FAAP20: variants seen among roughly 807,000 people sequenced by gnomAD.
FAAP20 encodes Fanconi anemia core complex-associated protein 20.
A neutral mutation model predicts 16.2 loss-of-function variants in FAAP20; 12 were observed. The ratio of observed to expected loss-of-function variants is 0.74; its 90% CI spans 0.48 to 1.20. The LOEUF (loss-of-function observed/expected upper bound fraction) is 1.20, where lower values mean the gene tolerates loss of function less well. FAAP20 is among the 50% of genes most tolerant of loss of function. The pLI, the probability that FAAP20 is intolerant of heterozygous loss-of-function variation, is 0.00. For synonymous variants in FAAP20, 141 were observed against 110.7 expected, an observed-to-expected ratio of 1.27 and a Z score of -1.72; for missense variants, 288 against 245.8, an observed-to-expected ratio of 1.17 and a Z score of -1.15.
At chr1:2,201,169 G>A, upstream of FAAP20, 3 of 1,269,268 alleles carry the variant, frequency 2.4e-6, no homozygotes, top group Non-Finnish European at 2.1e-6. Context: ...TGAGTGACGT[G>A]CAGACCTTCA....
chr1:2,206,171 C>T (rs551265675), intron 3 of FAAP20: 1 of 152,442 alleles, frequency 6.6e-6, no homozygotes, highest in African/African-American at 2.4e-5. Flanking sequence ...TGGTCGATTT[C>T]CCCCTTAAGA....
chr1:2,203,485 G>A (rs1171102798), upstream of FAAP20: 11 of 985,584 alleles, frequency 1.1e-5, no homozygotes, highest in Middle Eastern at 5.2e-4. Context: ...AGGTGTTCTC[G>A]CTCTGGGGTT....
chr1:2,197,882 C>T (rs1688885961), upstream of FAAP20: 1 of 1,065,936 alleles, frequency 9.4e-7, no homozygotes, highest in African/African-American at 1.7e-5. Context: ...GTCAGGAAGC[C>T]TGACCCCCAA....
At chr1:2,209,264 A>G (rs1349078554), downstream of FAAP20, among the ~76,000 whole-genome samples, 3 of 151,716 alleles carry the variant, frequency 2.0e-5, no homozygotes. Flanking sequence ...CTTATCCCAC[A>G]CCCATTTTAG....
At position 2,189,691 on chromosome 1, in the gene FAAP20, A is replaced by G; in HGVS notation, c.*18T>C. The stretch of plus-strand genomic sequence containing the variant: ...CGTGTCCGGGCGCCGCACTCTGCGC[A>G]GGGCTCTTGGATGGCGCTCACCACG... On this transcript the variant is annotated 3_prime_UTR_variant, in exon 4 of 4. Coordinates refer to ENST00000378546, the MANE Select transcript of FAAP20 (RefSeq NM_182533.4). 1.2e-6 allele frequency: 2 copies of G among 1,604,834 alleles called. No individual in the cohort carries two copies. The highest frequency in any genetic ancestry group is 8.5e-7 in the Non-Finnish European group (1 of 1,174,346).
chr1:2,192,859 C>CA (rs1219545663), intron 3 of FAAP20: 1 of 1,286,118 alleles, frequency 7.8e-7, no homozygotes, highest in East Asian at 5.6e-5. Flanking sequence ...CTCAGCCTCT[C>CA]AAAGGGCTGG....
At chr1:2,204,384 G>A (rs192183342), upstream of FAAP20, among the ~76,000 whole-genome samples, 1 of 152,374 alleles carries the variant, frequency 6.6e-6, no homozygotes, top group East Asian at 1.9e-4. Flanking sequence ...CTTCTGGGAC[G>A]TGCCCTGGGG....
chr1:2,199,686 G>A (rs1463495055), upstream of FAAP20: 2 of 956,756 alleles, frequency 2.1e-6, no homozygotes, highest in Non-Finnish European at 2.5e-6. This position sits in a 1 kb window ranked among gnomAD's most constrained non-coding sequence, Gnocchi z 4.5. Context: ...AAGTGGCCTC[G>A]CTCGGAAGCA....
chr1:2,194,609 G>A (rs1426222495), intron 1 of FAAP20, 79 bp downstream of exon 1: 1 of 789,296 alleles, frequency 1.3e-6, no homozygotes, highest in Non-Finnish European at 1.6e-6. Context: ...GGAGAATAGA[G>A]CGGGAGGCCC....
In FAAP20 at chr1:2,190,045, C is replaced by T. The variant is rs72925889; in HGVS notation, c.471-264G>A. 1,837 of 596,984 alleles carry T rather than the reference C, an allele frequency of 3.1e-3. 36 individuals carry two copies. Among genetic ancestry groups the T allele is most frequent in the African/African-American group, 0.029 (1,612 of 54,736 alleles). 37.0% of individuals were successfully genotyped at this position (596,984 alleles called of 1,614,324 possible). A position where few individuals can be genotyped will look rare whatever the true frequency, so the allele number is the denominator to read the frequency against. ...GTGGGGAAGCTGTGTCTCAACAAGCCTCTCTATGGGATTCTGGCGCCTGCT... is the reference window on the plus strand; with the variant it reads ...GTGGGGAAGCTGTGTCTCAACAAGCTTCTCTATGGGATTCTGGCGCCTGCT... On this transcript the variant is annotated intron_variant, in intron 3 of 3. Transcript: ENST00000378546.
At chr1:2,190,184 G>A (rs866922682) in intron 3 of FAAP20, 4 of 473,630 alleles carry the variant, frequency 8.4e-6, no homozygotes, top group African/African-American at 5.9e-5. Context: ...GTCTACAGGA[G>A]GCAGAAGAGT....
chr1:2,190,295 G>C (rs892225521), intron 3 of FAAP20: 3 of 456,382 alleles, frequency 6.6e-6, no homozygotes, highest in African/African-American at 4.0e-5. Context: ...CGTCACCGGC[G>C]TGCAGGCTGC....
chr1:2,194,420 G>A (rs1427562506), intron 1 of FAAP20, among the ~76,000 whole-genome samples: 1 of 146,364 alleles, frequency 6.8e-6, no homozygotes, highest in Non-Finnish European at 1.5e-5. Flanking sequence ...GGGGAAGGTA[G>A]AGGGTTAGAT....
intron 1 of FAAP20, 123 bp from the exon 2 acceptor site, chr1:2,194,256 G>A (rs1688611004): frequency 3.8e-6 from 5 of 1,331,580 alleles, no homozygotes; most frequent in Admixed American, 4.8e-5. Flanking sequence ...GAAATTCGAT[G>A]GTGCGGGAGG....
chr1:2,207,108 G>C lies in FAAP20; in HGVS notation n.179-441C>G, dbSNP rs546260439. On this transcript the variant is annotated intron_variant and non_coding_transcript_variant, in intron 1 of 7. Transcript: ENST00000469733. ...GTTGTATTCTGGAATGGAGGTGAGT[G>C]GGGGGCCAGTGAGGGCTGGGCCGGT... Among the ~76,000 whole-genome samples, 246 of 152,218 alleles carry C rather than the reference G, an allele frequency of 1.6e-3. 3 individuals are homozygous for C. Among genetic ancestry groups the C allele is most frequent in the African/African-American group, 5.7e-3 (236 of 41,466 alleles).
chr1:2,185,542 G>A, downstream of FAAP20: 1 of 713,390 alleles, frequency 1.4e-6, no homozygotes, highest in Non-Finnish European at 2.6e-6. Flanking sequence ...ATCAAGAATT[G>A]TTTCCTAAAA....
chr1:2,188,287 C>G (rs1294812023), downstream of FAAP20, among the ~76,000 whole-genome samples: 2 of 152,212 alleles, frequency 1.3e-5, no homozygotes, highest in African/African-American at 4.8e-5. Flanking sequence ...GCTGACGGAT[C>G]TGGGTGAACC....
downstream of FAAP20, among the ~76,000 whole-genome samples, chr1:2,211,402 TATA>T (rs1689434009): frequency 2.1e-4 from 2 of 9,682 alleles, no homozygotes; most frequent in Admixed American, 2.0e-3. Context: ...GCTAATTTTA[TATA>T]TATATATATA....
At chr1:2,204,706 T>G (rs1689171138), upstream of FAAP20, among the ~76,000 whole-genome samples, 1 of 152,116 alleles carries the variant, frequency 6.6e-6, no homozygotes, top group Non-Finnish European at 1.5e-5. Context: ...GATGGACTTG[T>G]GCTAAACTGG....
Sources: gnomAD v4.1 joint callset for allele counts (sites outside exome capture counted in the v4.1 genomes callset) on GRCh38, gnomAD v4.1.1 for gene constraint, Gnocchi (gnomAD v3.1) non-coding constraint, MANE v1.5 for transcripts, NCBI Gene and HGNC (gene_info 2026-07-23, HGNC 2026-07-21) for gene names.